Variants in DBH observed in about 807,000 individuals in gnomAD.
DBH encodes the protein dopamine beta-hydroxylase, also known as dopamine beta-hydroxylase (dopamine beta-monooxygenase).
In DBH, 49 loss-of-function variants were observed where a neutral mutation model predicts 64.0. That is an observed-to-expected ratio of 0.77 (90% CI 0.61 to 0.97). The LOEUF (loss-of-function observed/expected upper bound fraction) is 0.97. Among genes scored for constraint, DBH ranks in the 50% least tolerant of loss-of-function variants. DBH has a pLI of 0.00. For missense variants in DBH, 828 were observed against 826.6 expected, an observed-to-expected ratio of 1.00 and a Z score of -0.02; for synonymous variants, 343 against 347.1, an observed-to-expected ratio of 0.99 and a Z score of 0.13.
At chr9:133,636,738 CAAA>C (rs1190743749) in intron 1 of DBH, 28 bp downstream of exon 1, 13 of 1,587,740 alleles carry the variant, frequency 8.2e-6, no homozygotes, top group Non-Finnish European at 1.1e-5. Flanking sequence ...GCCAGCTCTC[CAAA>C]CCCTTCCTGA....
rs774314704 is a variant in DBH at position 133,657,183 on chromosome 9, C to T, written c.1676C>T (p.Ala559Val). ...GTACTGAAGGCCCTGTACAGCTTCG[C>T]GCCCATCTCCATGCACTGCAACAAG... ...RDVLKALYSF[A>V]PISMHCNKSS... The change falls in exon 11 of 12, where the codon GCG becomes GTG. Residue 559 changes from alanine (A) to valine (V), a missense_variant. Ala to Val is a moderately conservative substitution (Grantham distance 64). Transcript: ENST00000393056. The T allele has an allele frequency of 4.6e-5, 75 of 1,614,026 alleles. No homozygotes were observed. Among genetic ancestry groups the T allele is most frequent in the Middle Eastern group, 1.6e-4 (1 of 6,084 alleles).
chr9:133,656,227 C>A (rs1832315987), intron 9 of DBH: 1 of 395,140 alleles, frequency 2.5e-6, no homozygotes, highest in South Asian at 2.2e-5. Flanking sequence ...GACTCAGTTT[C>A]TGTACCCATA....
intron 3 of DBH, 105 bp downstream of exon 3, chr9:133,642,569 G>GAC: frequency 7.0e-7 from 1 of 1,419,338 alleles, no homozygotes; most frequent in Non-Finnish European, 9.6e-7. Context: ...GTTGGACCAG[G>GAC]TGTCCTCTTA....
chr9:133,657,492 A>G (rs945997090), intron 11 of DBH, among the ~76,000 whole-genome samples: 16 of 148,222 alleles, frequency 1.1e-4, no homozygotes, highest in Non-Finnish European at 2.4e-4. Flanking sequence ...GAGAGGAGAG[A>G]GAGAGGAGAG....
At position 133,637,034 on chromosome 9, in the gene DBH, G is replaced by A. The variant is rs917384891; in HGVS notation, c.339+324G>A. Among the ~76,000 whole-genome samples, 4 of 152,128 alleles carry A rather than the reference G, an allele frequency of 2.6e-5. No individual in the cohort carries two copies. The East Asian group carries it at 7.7e-4, about 29-fold the overall frequency. On this transcript the variant is annotated intron_variant, in intron 1 of 11. Transcript: ENST00000393056. ...TCGTGCCGCTCCACACCCCACACGC[G>A]CATGAGCACAGACCCCACGACCCTC...
At chr9:133,656,260 T>C (rs1028639914) in intron 9 of DBH, 2 of 466,310 alleles carry the variant, frequency 4.3e-6, no homozygotes, top group African/African-American at 3.9e-5. Flanking sequence ...TAACACCCCA[T>C]CCGCTTGTCC....
chr9:133,636,624 G>T lies in DBH; in HGVS notation c.253G>T (p.Val85Phe), dbSNP rs78445536. ...CCTGGTGCGGAGGCTCAAGGCTGGC[G>T]TCCTGTTTGGGATGTCCGACCGTGG... ...QLLVRRLKAG[V>F]LFGMSDRGEL... Residue 85 changes from valine to phenylalanine, a missense_variant, in exon 1 of 12, where the codon GTC (valine) becomes TTC (phenylalanine). Physicochemically the swap from Val to Phe is conservative, Grantham distance 50. Transcript: ENST00000393056. The T allele has an allele frequency of 6.2e-6, 10 of 1,613,426 alleles. No homozygotes were observed. The South Asian group carries it at 9.9e-5, about 16-fold the overall frequency.
At chr9:133,651,444 G>A (rs1052547345) in intron 6 of DBH, among the ~76,000 whole-genome samples, 190 bp from the exon 7 acceptor site, 2 of 152,222 alleles carry the variant, frequency 1.3e-5, no homozygotes, top group Admixed American at 6.5e-5. Flanking sequence ...GGGCTGTTGC[G>A]GCCCCCTCGC....
At position 133,639,968 on chromosome 9, in the gene DBH, C is replaced by T. The variant is rs145378879; in HGVS notation, c.462C>T (p.Cys154=). 17 of 1,613,914 alleles carry T rather than the reference C, an allele frequency of 1.1e-5. No individual in the cohort carries two copies. Among genetic ancestry groups the T allele is most frequent in the East Asian group, 8.9e-5 (4 of 44,876 alleles). Residue 154 remains cysteine (C), a synonymous_variant, in exon 2 of 12, where the codon TGC becomes TGT. Coordinates refer to ENST00000393056, the MANE Select transcript of DBH (RefSeq NM_000787.4). The part of the protein sequence containing the change: ...TLLFKRPFGT[C]DPKDYLIEDG... ...TTTTCAAGAGGCCCTTTGGCACCTG[C>T]GACCCCAAGGATTACCTCATTGAAG...
chr9:133,642,547 TC>T, intron 3 of DBH, 83 bp downstream of exon 3: 1 of 1,504,876 alleles, frequency 6.6e-7, no homozygotes, highest in Non-Finnish European at 9.0e-7. Flanking sequence ...TGGAGAGCTG[TC>T]CACAGTCCTG....
Position 133,658,418 on chromosome 9 carries a change from G to T in DBH, c.1825G>T (p.Val609Phe). 1 of 1,612,922 alleles carries T rather than the reference G, an allele frequency of 6.2e-7. No individual in the cohort carries two copies. The highest frequency in any genetic ancestry group is 8.5e-7 in the Non-Finnish European group (1 of 1,179,356). ...SQGRSPAGPT[V>F]VSIGGGKG ...GGGCCGAAGCCCTGCTGGCCCCACCGTTGTCAGCATTGGTGGGGGCAAAGG... is the reference window on the plus strand; with the variant it reads ...GGGCCGAAGCCCTGCTGGCCCCACCTTTGTCAGCATTGGTGGGGGCAAAGG... Residue 609 changes from valine to phenylalanine, a missense_variant, in exon 12 of 12, where the codon GTT (valine) becomes TTT (phenylalanine). Coordinates refer to ENST00000393056, the MANE Select transcript of DBH (RefSeq NM_000787.4).
At chr9:133,654,097 GTTTAT>G (rs909417861) in intron 9 of DBH, among the ~76,000 whole-genome samples, 64 of 122,426 alleles carry the variant, frequency 5.2e-4, no homozygotes, top group African/African-American at 1.7e-3. Flanking sequence ...ACTGCCAGTG[GTTTAT>G]TTTATTTTAT....
chr9:133,644,976 T>C (rs888127513), intron 5 of DBH, among the ~76,000 whole-genome samples: 17 of 151,622 alleles, frequency 1.1e-4, no homozygotes, highest in Non-Finnish European at 2.4e-4. Context: ...CATGCACACA[T>C]GTACACATAT....
intron 2 of DBH, among the ~76,000 whole-genome samples, chr9:133,640,558 C>A (rs376993297): frequency 3.5e-4 from 53 of 152,332 alleles, no homozygotes; most frequent in African/African-American, 1.3e-3. Context: ...TCTAAGAGCC[C>A]CCCAACCTCT....
intron 6 of DBH, among the ~76,000 whole-genome samples, chr9:133,650,275 C>T (rs945404021): frequency 6.6e-6 from 1 of 152,128 alleles, no homozygotes; most frequent in Non-Finnish European, 1.5e-5. Flanking sequence ...AAAAGCTCGG[C>T]CATCTGGGAC....
chr9:133,658,497 C>T lies in DBH; in HGVS notation c.*50C>T, dbSNP rs915164762. ...TCCATGCTGTCCCTGTGGGCTCACA[C>T]CGGCACTGTGCACTCTACTCTGCGA... On this transcript the variant is annotated 3_prime_UTR_variant, in exon 12 of 12. Coordinates refer to ENST00000393056, the MANE Select transcript of DBH (RefSeq NM_000787.4). 6.4e-7 allele frequency: 1 copy of T among 1,553,292 alleles called. No individual in the cohort carries two copies. The highest frequency in any genetic ancestry group is 1.4e-5 in the African/African-American group (1 of 73,262).
intron 10 of DBH, 147 bp from the exon 11 acceptor site, chr9:133,656,923 C>G (rs888528132): frequency 2.0e-6 from 2 of 998,684 alleles, no homozygotes; most frequent in African/African-American, 3.2e-5. Flanking sequence ...TCTGGGGTGG[C>G]CTGGCGGAGG....
intron 5 of DBH, among the ~76,000 whole-genome samples, chr9:133,646,743 C>T (rs887393101): frequency 3.3e-5 from 5 of 151,916 alleles, no homozygotes; most frequent in Admixed American, 6.5e-5. Context: ...AGGCTGGTCT[C>T]GAACTCCCAA....
Position 133,642,231 on chromosome 9 carries a change from G to C in DBH, c.511G>C (p.Gly171Arg). Reference sequence around the variant, plus strand: ...GGACGGCACTGTCCACTTGGTCTACGGGATCCTGGAGGAGCCGTTCCGGTC... The same window carrying C: ...GGACGGCACTGTCCACTTGGTCTACCGGATCCTGGAGGAGCCGTTCCGGTC... ...IEDGTVHLVYGILEEPFRSLE... is the reference protein window; with the variant it reads ...IEDGTVHLVYRILEEPFRSLE... Residue 171 changes from glycine (G) to arginine (R), a missense_variant, in exon 3 of 12, where the codon GGG becomes CGG. Gly to Arg is a moderately radical substitution (Grantham distance 125). Transcript: ENST00000393056. 1 of 1,613,658 alleles carries C rather than the reference G, an allele frequency of 6.2e-7. No individual in the cohort carries two copies. The highest frequency in any genetic ancestry group is 1.1e-5 in the South Asian group (1 of 91,076).
Sources: gnomAD v4.1 joint callset for allele counts (sites outside exome capture counted in the v4.1 genomes callset) on GRCh38, gnomAD v4.1.1 for gene constraint, MANE v1.5 for transcripts, NCBI Gene and HGNC (gene_info 2026-07-23, HGNC 2026-07-21) for gene names.